Variants in PTK2 observed in about 807,000 individuals in gnomAD.
The protein encoded by PTK2 is focal adhesion kinase 1.
A neutral mutation model predicts 150.1 loss-of-function variants in PTK2; 45 were observed. That is an observed-to-expected ratio of 0.30 (90% CI 0.24 to 0.38). The LOEUF (loss-of-function observed/expected upper bound fraction) is 0.38. PTK2 is among the 10% of genes least tolerant of loss of function. The pLI is 1.00. For synonymous variants in PTK2, 432 were observed against 449.2 expected, an observed-to-expected ratio of 0.96 and a Z score of 0.48; for missense variants, 919 against 1,307.3, an observed-to-expected ratio of 0.70 and a Z score of 4.58.
In PTK2 at chr8:140,961,354, A is replaced by T. The variant is rs2100183095; in HGVS notation, c.-121-35605T>A. ...GATAAACTTCAAATTCCAAATGCAA[A>T]GTTTCCTTTAAGATTTGGTACTACA... On this transcript the variant is annotated intron_variant, in intron 1 of 31. Coordinates refer to ENST00000522684, the Ensembl canonical transcript of PTK2. Among the ~76,000 whole-genome samples the T allele has an allele frequency of 2.0e-5, 3 of 152,136 alleles. 1 individual carries two copies. In the South Asian group the frequency reaches 6.2e-4, roughly 32 times the overall value.
rs1032263059 is a variant in PTK2 at position 140,769,650 on chromosome 8, T to A, written c.1178-5360A>T. ...AGTAGGGAACAGAGGGAGGGAGACATAGGAAGGAGAAGAGGGAAGAGAGGG... is the reference window on the plus strand; with the variant it reads ...AGTAGGGAACAGAGGGAGGGAGACAAAGGAAGGAGAAGAGGGAAGAGAGGG... On this transcript the variant is annotated intron_variant, in intron 14 of 31. Transcript: ENST00000522684. 4 of 1,207,274 alleles carry A rather than the reference T, an allele frequency of 3.3e-6. No individual in the cohort carries two copies. In the African/African-American group the frequency reaches 6.2e-5, roughly 19 times the overall value. The allele number at this position is 1,207,274 out of a possible 1,614,324, so 74.8% of individuals were successfully genotyped here.
intron 22 of PTK2, among the ~76,000 whole-genome samples, chr8:140,721,990 T>C (rs2100043151): frequency 6.6e-6 from 1 of 152,214 alleles, no homozygotes; most frequent in African/African-American, 2.4e-5. Context: ...TGAAGGCCCA[T>C]TTTCAAATGC....
chr8:140,995,573 G>A (rs909253798), intron 1 of PTK2, among the ~76,000 whole-genome samples: 2 of 151,878 alleles, frequency 1.3e-5, no homozygotes, highest in Non-Finnish European at 2.9e-5. Context: ...GGGAAAAGGT[G>A]GGCGGATTGC....
intron 2 of PTK2, among the ~76,000 whole-genome samples, chr8:140,916,479 A>G (rs535387980): frequency 1.4e-4 from 22 of 152,338 alleles, no homozygotes; most frequent in Admixed American, 3.3e-4. Flanking sequence ...GCTAACTCCC[A>G]TATTTCCTTC....
intron 1 of PTK2, among the ~76,000 whole-genome samples, chr8:140,953,042 TA>T (rs973253056): frequency 6.6e-6 from 1 of 151,986 alleles, no homozygotes; most frequent in Non-Finnish European, 1.5e-5. Context: ...TTTGTCAGAT[TA>T]AAAAAAATTG....
chr8:140,773,102 C>T (rs1187794512), intron 14 of PTK2, among the ~76,000 whole-genome samples: 4 of 152,156 alleles, frequency 2.6e-5, no homozygotes, highest in Non-Finnish European at 5.9e-5. Context: ...CTGTTCATTT[C>T]TAAACTGGAC....
intron 14 of PTK2, among the ~76,000 whole-genome samples, chr8:140,778,399 C>T (rs759045746): frequency 2.4e-4 from 36 of 152,162 alleles, no homozygotes; most frequent in Non-Finnish European, 1.8e-4. Flanking sequence ...TGCAGTAAGC[C>T]GAGATCGCAC....
chr8:140,937,568 C>A, intron 1 of PTK2, among the ~76,000 whole-genome samples: 1 of 142,668 alleles, frequency 7.0e-6, no homozygotes, highest in Non-Finnish European at 1.5e-5. Flanking sequence ...AATCAAATGC[C>A]ATCTTTAAGT....
intron 10 of PTK2, among the ~76,000 whole-genome samples, chr8:140,813,088 A>G (rs1007155458): frequency 6.6e-6 from 1 of 152,206 alleles, no homozygotes; most frequent in Non-Finnish European, 1.5e-5. Flanking sequence ...CATTCATCTC[A>G]TCACCATACG....
At chr8:140,811,358 C>T (rs2100101437) in intron 10 of PTK2, among the ~76,000 whole-genome samples, 1 of 152,156 alleles carries the variant, frequency 6.6e-6, no homozygotes, top group African/African-American at 2.4e-5. Flanking sequence ...TCCACCTTAC[C>T]ACAATCAAAC....
intron 23 of PTK2, among the ~76,000 whole-genome samples, chr8:140,708,443 GTCCTCTGCTC>G (rs1056063670): frequency 2.6e-5 from 4 of 152,096 alleles, no homozygotes; most frequent in East Asian, 1.9e-4. Context: ...ATAAACATAT[GTCCTCTGCTC>G]TCCTAAGGAG....
chr8:140,879,708 C>CAAAAAAAAAAAAAAAAAAAAAAAAAAA (rs2100148050), intron 3 of PTK2, 71 bp from the exon 4 acceptor site: 1 of 973,796 alleles, frequency 1.0e-6, no homozygotes, highest in African/African-American at 3.0e-5. Context: ...AAAACCAAAA[C>CAAAAAAAAAAAAAAAAAAAAAAAAAAA]AAAACAAAAA....
At chr8:140,974,589 G>A (rs1445399201) in intron 1 of PTK2, among the ~76,000 whole-genome samples, 7 of 152,340 alleles carry the variant, frequency 4.6e-5, no homozygotes, top group African/African-American at 1.7e-4. Context: ...TTACTTGGCA[G>A]TTTGAGATGC....
intron 17 of PTK2, chr8:140,750,240 A>T (rs1291041740): frequency 6.6e-6 from 1 of 152,212 alleles, no homozygotes; most frequent in Non-Finnish European, 1.5e-5. Context: ...GTTGGGTGGT[A>T]TTTATTACAA....
intron 20 of PTK2, among the ~76,000 whole-genome samples, chr8:140,742,725 T>A (rs2100056470): frequency 6.6e-6 from 1 of 152,244 alleles, no homozygotes; most frequent in Non-Finnish European, 1.5e-5. Context: ...TTTTACTAAG[T>A]TTTAAGAGTT....
intron 27 of PTK2, among the ~76,000 whole-genome samples, chr8:140,681,546 CA>C (rs975697691): frequency 6.6e-5 from 10 of 150,454 alleles, no homozygotes; most frequent in African/African-American, 1.2e-4. Flanking sequence ...CGGAGGCGGG[CA>C]GGGGGGGATC....
chr8:140,954,439 C>T (rs1054270780), intron 1 of PTK2, among the ~76,000 whole-genome samples: 1 of 152,090 alleles, frequency 6.6e-6, no homozygotes, highest in African/African-American at 2.4e-5. Context: ...GAACAGTAAA[C>T]CTTGCTTATA....
chr8:140,921,057 G>T, intron 2 of PTK2: 2 of 1,318,738 alleles, frequency 1.5e-6, no homozygotes, highest in Non-Finnish European at 1.9e-6. Flanking sequence ...AAATTTGGAA[G>T]GTGTTCCTTC....
chr8:140,743,108 T>A, intron 20 of PTK2, 122 bp downstream of exon 23: 1 of 668,002 alleles, frequency 1.5e-6, no homozygotes, highest in South Asian at 2.5e-5. Flanking sequence ...GGCTGTCGCT[T>A]CCTCCATTTA....
Sources: allele counts gnomAD v4.1 joint callset (sites outside exome capture counted in the v4.1 genomes callset), GRCh38; gene constraint gnomAD v4.1.1; transcripts MANE v1.5; gene names NCBI Gene and HGNC (gene_info 2026-07-23, HGNC 2026-07-21).